The following ERICH5 variants were observed in gnomAD, a reference collection of about 807,000 sequenced individuals.
ERICH5 encodes the protein glutamate rich 5, also known as glutamate-rich protein 5.
ERICH5 carries 24 observed loss-of-function variants against 28.0 expected under a neutral mutation model. The ratio of observed to expected loss-of-function variants is 0.86; its 90% confidence interval spans 0.62 to 1.21. ERICH5 has a LOEUF of 1.21. Ranked by LOEUF, ERICH5 falls within the 50% of genes most tolerant of loss-of-function variation. The pLI, the probability that ERICH5 is intolerant of heterozygous loss-of-function variation, is 0.00. For synonymous variants in ERICH5, 163 were observed against 157.6 expected (o/e 1.03, Z -0.25); for missense variants, 421 against 441.2 (o/e 0.95, Z 0.41).
In ERICH5 at chr8:98,089,534, G is replaced by A; in HGVS notation, c.517G>A (p.Val173Met). ...AAVEKDSLRA[V>M]EVTENPQTAA... is the part of the protein sequence containing the mutation. ...AGTAGAGAAGGACTCTCTCAGAGCA[G>A]TGGAGGTCACTGAGAATCCACAAAC... The change falls in exon 2 of 3, where the codon GTG becomes ATG. Residue 173 changes from valine (V) to methionine (M), a missense_variant. Val to Met is a conservative substitution (Grantham distance 21). Transcript: ENST00000318528. 6.2e-7 allele frequency: 1 copy of A among 1,614,192 alleles called. No individual in the cohort carries two copies. The highest frequency in any genetic ancestry group is 8.5e-7 in the Non-Finnish European group (1 of 1,180,036).
In ERICH5 at chr8:98,093,329, C is replaced by A; in HGVS notation, c.1121C>A (p.Thr374Lys). ...TGEVVDLSAA[T>K] ...GAAGTGGTGGACCTTTCAGCAGCCACATAGATAGAAGAGTGAACCGACACA... is the reference window on the plus strand; with the variant it reads ...GAAGTGGTGGACCTTTCAGCAGCCAAATAGATAGAAGAGTGAACCGACACA... Residue 374 changes from threonine (T) to lysine (K), a missense_variant, in exon 3 of 3, where the codon ACA becomes AAA. By Grantham distance (78) the Thr-to-Lys change is moderately conservative. Transcript: ENST00000318528. The A allele has an allele frequency of 6.2e-7, 1 of 1,610,634 alleles. No homozygotes were observed. Among genetic ancestry groups the A allele is most frequent in the Non-Finnish European group, 8.5e-7 (1 of 1,177,236 alleles).
Position 98,089,746 on chromosome 8 carries a change from G to C in ERICH5, c.729G>C (p.Gln243His), listed in dbSNP as rs780062697. 31 of 1,614,034 alleles carry C rather than the reference G, an allele frequency of 1.9e-5. No individual in the cohort carries two copies. Among genetic ancestry groups the C allele is most frequent in the Non-Finnish European group, 2.3e-5 (27 of 1,180,030 alleles). The change falls in exon 2 of 3, where the codon CAG becomes CAC. Residue 243 changes from glutamine (Q) to histidine (H), a missense_variant. Gln to His is a conservative substitution (Grantham distance 24, BLOSUM62 0). Transcript: ENST00000318528. The part of the protein sequence containing the change: ...GSQFVETAEE[Q>H]QLQATLGKEE... ...AGTTTGTGGAAACAGCTGAAGAGCA[G>C]CAACTTCAGGCAACATTGGGAAAAG...
intron 1 of ERICH5, 62 bp from the exon 2 acceptor site, chr8:98,089,014 T>A: frequency 1.6e-6 from 2 of 1,279,644 alleles, no homozygotes. Context: ...CTTTTCAAGA[T>A]AAAACTAAAC....
Position 98,089,276 on chromosome 8 carries a change from G to A in ERICH5, c.259G>A (p.Asp87Asn), listed in dbSNP as rs759231200. ...KPLQEQPLAK[D>N]VAPGRDATDQ... is the part of the protein sequence containing the mutation. ...CCTCCAAGAACAGCCCCTGGCCAAG[G>A]ACGTAGCCCCTGGAAGGGATGCCAC... is the stretch of plus-strand genomic sequence containing the variant. The change falls in exon 2 of 3, where the codon GAC becomes AAC. Residue 87 changes from aspartate (D) to asparagine (N), a missense_variant. Physicochemically the swap from Asp to Asn is conservative, Grantham distance 23. Transcript: ENST00000318528. 2 of 1,614,204 alleles carry A rather than the reference G, an allele frequency of 1.2e-6. No individual in the cohort carries two copies. Among genetic ancestry groups the A allele is most frequent in the Non-Finnish European group, 1.7e-6 (2 of 1,180,028 alleles).
chr8:98,073,527 T>A (rs1432373918), intron 1 of ERICH5, among the ~76,000 whole-genome samples: 1 of 23,618 alleles, frequency 4.2e-5, no homozygotes, highest in African/African-American at 1.9e-4. Flanking sequence ...TATATATATA[T>A]ATATATATAT....
At chr8:98,080,767 A>G (rs1045629802) in intron 1 of ERICH5, among the ~76,000 whole-genome samples, 24 of 133,610 alleles carry the variant, frequency 1.8e-4, no homozygotes, top group African/African-American at 6.7e-4. Context: ...CACTGGCATG[A>G]TCTTGGCTCA....
chr8:98,084,783 G>T (rs1416036933), intron 1 of ERICH5, among the ~76,000 whole-genome samples: 2 of 151,788 alleles, frequency 1.3e-5, no homozygotes, highest in Non-Finnish European at 2.9e-5. Context: ...TCAGTTTTTT[G>T]GAGGTATAAT....
chr8:98,091,916 TC>T (rs1815408148), intron 2 of ERICH5, among the ~76,000 whole-genome samples: 1 of 90,484 alleles, frequency 1.1e-5, no homozygotes, highest in African/African-American at 4.7e-5. Context: ...TTTCTTTCTT[TC>T]TTCCTTTCTT....
intron 1 of ERICH5, among the ~76,000 whole-genome samples, chr8:98,086,467 GTGAACTCC>G (rs1407415122): frequency 6.6e-6 from 1 of 152,040 alleles, no homozygotes; most frequent in African/African-American, 2.4e-5. Flanking sequence ...ATGATAATAC[GTGAACTCC>G]TAGGAAATGA....
rs1815345794 is a variant in ERICH5, at chr8:98,089,645, G to A, written c.628G>A (p.Gly210Arg). 6.2e-7 allele frequency: 1 copy of A among 1,614,060 alleles called. No homozygotes were observed. Among genetic ancestry groups the A allele is most frequent in the African/African-American group, 1.3e-5 (1 of 75,050 alleles). ...AGAGCTACAACCTCAGGGCACAGTG[G>A]GAAAGGATGAGCAGGCCCCGCTTCT... Reference protein sequence around the residue: ...AGELQPQGTVGKDEQAPLLET... With the variant: ...AGELQPQGTVRKDEQAPLLET... The change falls in exon 2 of 3, where the codon GGA becomes AGA. Residue 210 changes from glycine (G) to arginine (R), a missense_variant. Transcript: ENST00000318528.
intron 1 of ERICH5, among the ~76,000 whole-genome samples, chr8:98,086,818 G>T (rs915918964): frequency 1.8e-4 from 28 of 151,984 alleles, no homozygotes; most frequent in African/African-American, 6.3e-4. Flanking sequence ...GGGCGTGGTG[G>T]TGGGTGCCTG....
intron 1 of ERICH5, among the ~76,000 whole-genome samples, chr8:98,077,583 T>C (rs1815080615): frequency 6.6e-6 from 1 of 152,240 alleles, no homozygotes; most frequent in African/African-American, 2.4e-5. Context: ...AACAACTCTT[T>C]GTCATGGTTT....
intron 2 of ERICH5, among the ~76,000 whole-genome samples, chr8:98,092,216 T>C (rs1815422582): frequency 6.6e-6 from 1 of 152,130 alleles, no homozygotes; most frequent in South Asian, 2.1e-4. Context: ...CTTGCTCTGT[T>C]ACTCAGGCTG....
At position 98,093,448 on chromosome 8, in the gene ERICH5, T is replaced by TTA; in HGVS notation, c.*118_*119dup. 9.5e-6 allele frequency: 6 copies of TTA among 634,252 alleles called. No homozygotes were observed. The highest frequency in any genetic ancestry group is 1.6e-5 in the Non-Finnish European group (6 of 373,876). 39.3% of individuals were successfully genotyped at this position (634,252 alleles called of 1,614,324 possible). ...TACATGTTTTCTGTAAGGAGTGTGG[T>TTA]TATAGAGAGACTGTTGGAACCATGA... On this transcript the variant is annotated 3_prime_UTR_variant, in exon 3 of 3. Transcript: ENST00000318528.
intron 1 of ERICH5, 57 bp from the exon 2 acceptor site, chr8:98,089,019 C>A: frequency 1.5e-6 from 2 of 1,330,094 alleles, no homozygotes; most frequent in Non-Finnish European, 2.1e-6. Context: ...CAAGATAAAA[C>A]TAAACAATAA....
At chr8:98,091,612 G>C (rs1401374172) in intron 2 of ERICH5, among the ~76,000 whole-genome samples, 3 of 152,226 alleles carry the variant, frequency 2.0e-5, no homozygotes, top group Admixed American at 2.0e-4. Context: ...GCTCCGCACA[G>C]CTCCAGCCAT....
At chr8:98,087,600 T>G (rs1226927185) in intron 1 of ERICH5, among the ~76,000 whole-genome samples, 3 of 152,092 alleles carry the variant, frequency 2.0e-5, no homozygotes, top group Non-Finnish European at 4.4e-5. Context: ...TGTGATTTGT[T>G]TTCCCCCTTT....
At chr8:98,078,521 G>A (rs1169615340) in intron 1 of ERICH5, among the ~76,000 whole-genome samples, 1 of 152,172 alleles carries the variant, frequency 6.6e-6, no homozygotes, top group African/African-American at 2.4e-5. Context: ...TTTTCTTTTT[G>A]TTGGGTAGAA....
intron 2 of ERICH5, among the ~76,000 whole-genome samples, chr8:98,090,950 T>C (rs985637527): frequency 1.3e-5 from 2 of 152,162 alleles, no homozygotes; most frequent in Admixed American, 6.5e-5. Flanking sequence ...AATTTATTTA[T>C]TTTTTGAGAT....
Sources: gnomAD v4.1 joint callset for allele counts (sites outside exome capture counted in the v4.1 genomes callset) on GRCh38, gnomAD v4.1.1 for gene constraint, MANE v1.5 for transcripts, NCBI Gene and HGNC (gene_info 2026-07-23, HGNC 2026-07-21) for gene names.